The following MAPK10 variants were observed in gnomAD, a reference collection of about 807,000 sequenced individuals.
The protein encoded by MAPK10 is mitogen-activated protein kinase 10.
In MAPK10, 25 loss-of-function variants were observed where a neutral mutation model predicts 59.3. The observed-to-expected ratio is 0.42, with a 90% CI of 0.31 to 0.59. MAPK10 has a LOEUF of 0.59. Among genes scored for constraint, MAPK10 ranks in the 20% least tolerant of loss-of-function variants. MAPK10 has a pLI of 0.15. For synonymous variants in MAPK10, 190 were observed against 200.5 expected (o/e 0.95, Z 0.44); for missense variants, 351 against 568.9 (o/e 0.62, Z 3.90).
At chr4:86,163,782 A>G (rs1024677866) in intron 3 of MAPK10, among the ~76,000 whole-genome samples, 1 of 152,170 alleles carries the variant, frequency 6.6e-6, no homozygotes, top group African/African-American at 2.4e-5. Context: ...TTAAAAGTCA[A>G]AAAGTGGAAG....
intron 2 of MAPK10, among the ~76,000 whole-genome samples, chr4:86,237,522 T>G (rs1396699630): frequency 6.6e-6 from 1 of 152,182 alleles, no homozygotes; most frequent in Non-Finnish European, 1.5e-5. Context: ...CATCTATTGT[T>G]TCCTGACTTT....
At chr4:86,139,825 C>T (rs534791700) in intron 4 of MAPK10, among the ~76,000 whole-genome samples, 3,031 of 149,086 alleles carry the variant, frequency 0.02, 93 homozygotes, top group African/African-American at 0.072. Flanking sequence ...TGAACTCAAA[C>T]AAATTTACAA....
intron 10 of MAPK10, chr4:86,064,893 T>C (rs1047865379): frequency 1.3e-5 from 2 of 152,454 alleles, no homozygotes; most frequent in Non-Finnish European, 2.9e-5. Context: ...TTTCTTTTTG[T>C]TTTTGTTTAT....
At chr4:86,068,573 C>T (rs1371749250) in intron 9 of MAPK10, among the ~76,000 whole-genome samples, 1 of 152,000 alleles carries the variant, frequency 6.6e-6, no homozygotes, top group Non-Finnish European at 1.5e-5. Flanking sequence ...CTATTTCATA[C>T]CTATTGTTTT....
intron 1 of MAPK10, among the ~76,000 whole-genome samples, chr4:86,476,976 G>T (rs1255491141): frequency 2.0e-5 from 3 of 152,078 alleles, no homozygotes; most frequent in Admixed American, 1.3e-4. Context: ...CAACTTACCT[G>T]GCAGCCACTC....
chr4:86,550,101 T>G (rs1487746503), intron 1 of MAPK10, among the ~76,000 whole-genome samples: 1 of 152,058 alleles, frequency 6.6e-6, no homozygotes, highest in Non-Finnish European at 1.5e-5. Flanking sequence ...AAATTTATAC[T>G]AAGAGACATC....
chr4:86,254,890 C>A (rs893871931), intron 2 of MAPK10, among the ~76,000 whole-genome samples: 1 of 151,904 alleles, frequency 6.6e-6, no homozygotes, highest in Non-Finnish European at 1.5e-5. Context: ...TAAGTATTCT[C>A]GGAAATACCA....
intron 1 of MAPK10, among the ~76,000 whole-genome samples, chr4:86,568,632 A>T (rs1761228939): frequency 6.6e-6 from 1 of 152,176 alleles, no homozygotes; most frequent in Non-Finnish European, 1.5e-5. Context: ...GAACCCGGAA[A>T]TAAAGTCACA....
intron 2 of MAPK10, among the ~76,000 whole-genome samples, chr4:86,323,908 C>T (rs2095959563): frequency 6.6e-6 from 1 of 152,164 alleles, no homozygotes; most frequent in Non-Finnish European, 1.5e-5. Context: ...AGGACTATTT[C>T]TTTGCCATCA....
chr4:86,499,025 A>G (rs1649089995), intron 1 of MAPK10, among the ~76,000 whole-genome samples: 1 of 152,204 alleles, frequency 6.6e-6, no homozygotes, highest in South Asian at 2.1e-4. Context: ...TTGCTTTTTA[A>G]AAGCCACATC....
chr4:86,266,970 T>C (rs1466910419), intron 2 of MAPK10, among the ~76,000 whole-genome samples: 4 of 152,156 alleles, frequency 2.6e-5, no homozygotes, highest in Admixed American at 6.5e-5. Flanking sequence ...TAGATATGTA[T>C]TTATGTATTT....
chr4:86,385,047 A>C (rs1741285842), intron 1 of MAPK10, among the ~76,000 whole-genome samples: 1 of 152,156 alleles, frequency 6.6e-6, no homozygotes, highest in South Asian at 2.1e-4. Flanking sequence ...TGGGCATAGC[A>C]TTAGCATAGT....
At chr4:86,042,317 C>A (rs149001046) in intron 11 of MAPK10, among the ~76,000 whole-genome samples, 2 of 152,206 alleles carry the variant, frequency 1.3e-5, no homozygotes, top group East Asian at 3.9e-4. Context: ...ACACCAGGAC[C>A]TGTCAGAGGG....
intron 1 of MAPK10, among the ~76,000 whole-genome samples, chr4:86,375,857 C>T (rs1739725341): frequency 6.6e-6 from 1 of 151,652 alleles, no homozygotes; most frequent in Non-Finnish European, 1.5e-5. Flanking sequence ...ATACAACTTT[C>T]TGTAATGAAC....
intron 2 of MAPK10, among the ~76,000 whole-genome samples, chr4:86,245,033 TA>T (rs1196319842): frequency 6.6e-6 from 1 of 152,194 alleles, no homozygotes; most frequent in African/African-American, 2.4e-5. Context: ...AACATTAATA[TA>T]GCTATCTCCA....
intron 3 of MAPK10, chr4:86,170,976 T>A (rs1383891119): frequency 6.6e-6 from 1 of 151,934 alleles, no homozygotes; most frequent in Non-Finnish European, 1.5e-5. Context: ...GAATGACTAC[T>A]GGGCACATAA....
intron 1 of MAPK10, among the ~76,000 whole-genome samples, chr4:86,550,143 G>C (rs1349359375): frequency 6.6e-6 from 1 of 151,928 alleles, no homozygotes; most frequent in Non-Finnish European, 1.5e-5. Context: ...TTATACCCAA[G>C]AGTGAACTAC....
intron 4 of MAPK10, among the ~76,000 whole-genome samples, chr4:86,151,038 A>G (rs1562370018): frequency 6.6e-6 from 1 of 152,170 alleles, no homozygotes; most frequent in African/African-American, 2.4e-5. Flanking sequence ...GAGGTCGTCC[A>G]TAGGCAGGGG....
chr4:86,394,432 T>C (rs531863521), intron 1 of MAPK10, among the ~76,000 whole-genome samples: 1 of 152,260 alleles, frequency 6.6e-6, no homozygotes, highest in East Asian at 1.9e-4. Flanking sequence ...ATATCAAAAC[T>C]GAGAAAACAT....
Sources: allele counts gnomAD v4.1 joint callset (sites outside exome capture counted in the v4.1 genomes callset), GRCh38; gene constraint gnomAD v4.1.1; transcripts MANE v1.5; gene names NCBI Gene and HGNC (gene_info 2026-07-23, HGNC 2026-07-21).